Variants in ADD2 observed in about 807,000 individuals in gnomAD.
ADD2 encodes adducin 2, also known as beta-adducin.
A neutral mutation model predicts 83.0 loss-of-function variants in ADD2; 23 were observed. That is an observed-to-expected ratio of 0.28 (90% CI 0.20 to 0.39). The LOEUF is 0.39. ADD2 is among the 10% of genes least tolerant of loss of function. ADD2 has a pLI of 1.00. For synonymous variants in ADD2, 375 were observed against 375.4 expected (o/e 1.00, Z 0.01); for missense variants, 758 against 944.9 (o/e 0.80, Z 2.59).
At chr2:70,767,536 G>A (rs1220468445) in intron 1 of ADD2, 12 of 736,484 alleles carry the variant, frequency 1.6e-5, no homozygotes, top group Non-Finnish European at 2.1e-5. Flanking sequence ...GAGGGGAGGA[G>A]CGGCCCCGCC....
chr2:70,705,811 C>A (rs1245479398), intron 3 of ADD2, among the ~76,000 whole-genome samples: 7 of 152,332 alleles, frequency 4.6e-5, no homozygotes, highest in Non-Finnish European at 8.8e-5. Context: ...TTTGTCCCGA[C>A]AGAAAGTTCT....
intron 4 of ADD2, among the ~76,000 whole-genome samples, chr2:70,702,937 G>T (rs1296548815): frequency 6.6e-6 from 1 of 152,022 alleles, no homozygotes; most frequent in Non-Finnish European, 1.5e-5. Flanking sequence ...AACCAGCCTG[G>T]GCAACATGGT....
chr2:70,745,314 T>C (rs1553381818), intron 1 of ADD2, among the ~76,000 whole-genome samples: 1 of 151,670 alleles, frequency 6.6e-6, no homozygotes, highest in Non-Finnish European at 1.5e-5. Flanking sequence ...GATTTCAAGG[T>C]GAACTATTAA....
intron 1 of ADD2, among the ~76,000 whole-genome samples, chr2:70,758,502 G>A (rs1390292809): frequency 4.6e-5 from 7 of 152,158 alleles, no homozygotes; most frequent in Non-Finnish European, 8.8e-5. Context: ...AGGGTAGAGC[G>A]TAAAGGAAAA....
chr2:70,765,862 T>C (rs1171242437), intron 1 of ADD2, among the ~76,000 whole-genome samples: 5 of 152,226 alleles, frequency 3.3e-5, no homozygotes, highest in Non-Finnish European at 7.3e-5. Flanking sequence ...TAGGCTGCCT[T>C]GCCATATTTA....
intron 2 of ADD2, among the ~76,000 whole-genome samples, chr2:70,708,251 G>A (rs371544435): frequency 5.3e-5 from 8 of 152,172 alleles, no homozygotes; most frequent in African/African-American, 7.2e-5. Flanking sequence ...CAAACAGTTC[G>A]TTCAAGGGAA....
chr2:70,689,561 T>C (rs1024531344), intron 8 of ADD2, among the ~76,000 whole-genome samples: 3 of 152,238 alleles, frequency 2.0e-5, no homozygotes, highest in Admixed American at 6.5e-5. Flanking sequence ...ACTTCGTAGA[T>C]GTGAATATTT....
chr2:70,677,620 A>G (rs1301389357), intron 12 of ADD2, 138 bp downstream of exon 12: 1 of 1,148,630 alleles, frequency 8.7e-7, no homozygotes, highest in Admixed American at 2.1e-5. Context: ...ATGGTCAGTC[A>G]ATGGTAGTTT....
At chr2:70,714,788 C>T (rs57524457) in intron 1 of ADD2, among the ~76,000 whole-genome samples, 1 of 152,214 alleles carries the variant, frequency 6.6e-6, no homozygotes, top group South Asian at 2.1e-4. Context: ...ACACCAGCTT[C>T]CTCTCCTTCC....
At chr2:70,722,208 T>G (rs1672762686) in intron 1 of ADD2, among the ~76,000 whole-genome samples, 1 of 152,148 alleles carries the variant, frequency 6.6e-6, no homozygotes, top group Non-Finnish European at 1.5e-5. Flanking sequence ...GTTGATTTGA[T>G]AGAGGGGTAA....
In ADD2 at chr2:70,696,362, G is replaced by C; in HGVS notation, c.357C>G (p.His119Gln). The change falls in exon 5 of 16, where the codon CAC becomes CAG. Residue 119 changes from histidine to glutamine, a missense_variant. By Grantham distance (24) the His-to-Gln change is conservative. This residue lies in a region of ADD2 where 175 missense variants were observed against 192.1 expected (regional missense o/e 0.91). Coordinates refer to ENST00000264436, the MANE Select transcript of ADD2 (RefSeq NM_001617.4). ...TGGCCAGGTTCAGGGAGTCAGCTGT[G>C]TGGAGGTCATTGATAGGCGTCATCA... Reference protein sequence around the residue: ...VSMMTPINDLHTADSLNLAKG... With the variant: ...VSMMTPINDLQTADSLNLAKG... 6.2e-7 allele frequency: 1 copy of C among 1,614,208 alleles called. No individual in the cohort carries two copies. Among genetic ancestry groups the C allele is most frequent in the Non-Finnish European group, 8.5e-7 (1 of 1,180,040 alleles).
At chr2:70,728,747 T>C (rs1673138274) in intron 1 of ADD2, among the ~76,000 whole-genome samples, 1 of 152,214 alleles carries the variant, frequency 6.6e-6, no homozygotes, top group Admixed American at 6.5e-5. Flanking sequence ...CATCTGTCCC[T>C]TTCCACCCAC....
At chr2:70,731,753 C>T (rs3771424) in intron 1 of ADD2, among the ~76,000 whole-genome samples, 39,455 of 152,046 alleles carry the variant, frequency 0.26, 5,645 homozygotes, top group East Asian at 0.57. Context: ...CTCTACGGAC[C>T]CCACAGCGAT....
intron 1 of ADD2, among the ~76,000 whole-genome samples, chr2:70,753,954 A>C (rs1022937809): frequency 6.6e-6 from 1 of 152,192 alleles, no homozygotes; most frequent in Non-Finnish European, 1.5e-5. Flanking sequence ...GGTCACCGTC[A>C]GCAGAACAAG....
At chr2:70,755,083 C>A (rs1482324024) in intron 1 of ADD2, among the ~76,000 whole-genome samples, 5 of 152,134 alleles carry the variant, frequency 3.3e-5, no homozygotes, top group Non-Finnish European at 5.9e-5. Context: ...GGGCCATTGA[C>A]CCTTGCACAA....
chr2:70,696,127 G>T (rs2104342930), intron 5 of ADD2, 118 bp downstream of exon 5: 1 of 1,364,296 alleles, frequency 7.3e-7, no homozygotes, highest in Non-Finnish European at 1.0e-6. Flanking sequence ...AGGGTTCAGT[G>T]CATTTTAGCC....
intron 1 of ADD2, among the ~76,000 whole-genome samples, chr2:70,714,916 A>G (rs1672389081): frequency 6.6e-6 from 1 of 152,184 alleles, no homozygotes; most frequent in Admixed American, 6.5e-5. Context: ...AGTAGCCTGC[A>G]CCATTCTTGT....
Position 70,708,658 on chromosome 2 carries a change from T to C in ADD2, c.-34-2216A>G, listed in dbSNP as rs116909127. On this transcript the variant is annotated intron_variant, in intron 2 of 15. Coordinates refer to ENST00000264436, the MANE Select transcript of ADD2 (RefSeq NM_001617.4). Reference sequence around the variant, plus strand: ...TCGTTCAAACCACCATCTGCTATCATACACTTGGCCTGGGACATGTTACAT... The same window carrying C: ...TCGTTCAAACCACCATCTGCTATCACACACTTGGCCTGGGACATGTTACAT... 1.7e-3 allele frequency among the ~76,000 whole-genome samples: 263 copies of C among 152,334 alleles called. 3 individuals are homozygous for C. In the East Asian group the frequency reaches 0.047, roughly 27 times the overall value.
At chr2:70,711,398 T>C (rs886580471) in intron 2 of ADD2, 5 of 151,880 alleles carry the variant, frequency 3.3e-5, no homozygotes, top group African/African-American at 1.2e-4. Context: ...CCCAAGCACA[T>C]GATTAGAAGC....
Sources: gnomAD v4.1 joint callset for allele counts (sites outside exome capture counted in the v4.1 genomes callset) on GRCh38, gnomAD v4.1.1 for gene constraint, gnomAD v4.1.1 regional missense constraint, MANE v1.5 for transcripts, NCBI Gene and HGNC (gene_info 2026-07-23, HGNC 2026-07-21) for gene names.